ITPRID2: variants seen among roughly 807,000 people sequenced by gnomAD.
ITPRID2 encodes protein ITPRID2.
A neutral mutation model predicts 124.3 loss-of-function variants in ITPRID2; 60 were observed. The observed-to-expected ratio is 0.48, with a 90% CI of 0.39 to 0.60. ITPRID2 has a LOEUF of 0.60. Among genes scored for constraint, ITPRID2 ranks in the 20% least tolerant of loss-of-function variants. The pLI, the probability that ITPRID2 is intolerant of heterozygous loss-of-function variation, is 0.00. For missense variants in ITPRID2, 1,553 were observed against 1,512.2 expected, an observed-to-expected ratio of 1.03 and a Z score of -0.45; for synonymous variants, 521 against 542.9, an observed-to-expected ratio of 0.96 and a Z score of 0.56.
In ITPRID2 at chr2:181,902,998, TAGCAG is replaced by T. The variant is rs1466728212; in HGVS notation, c.1413+533_1413+537del. On this transcript the variant is annotated intron_variant, in intron 8 of 17. Coordinates refer to ENST00000431877, the MANE Select transcript of ITPRID2 (RefSeq NM_001130445.3). The surrounding 1 kb of genome is among the most constrained non-coding windows in gnomAD (Gnocchi z 4.4). ...ATGGGGAGGATAGGGACCCTAGAAT[TAGCAG>T]GTTTGAAAGGCCACTGAATAGGGTT... 4.6e-5 allele frequency among the ~76,000 whole-genome samples: 7 copies of T among 152,178 alleles called. No homozygotes were observed. The highest frequency in any genetic ancestry group is 9.6e-5 in the African/African-American group (4 of 41,462).
chr2:181,901,853 G>C lies in ITPRID2; in HGVS notation c.800G>C (p.Arg267Thr). ...CAAGTCTCCGGGACGCCCCTGCAGA[G>C]AATTGGAAGTATGTCCTCAGTGACC... ...YSQVSGTPLQ[R>T]IGSMSSVTSN... Residue 267 changes from arginine to threonine, a missense_variant, in exon 8 of 18, where the codon AGA becomes ACA. Transcript: ENST00000431877. The C allele has an allele frequency of 1.2e-6, 2 of 1,613,892 alleles. No homozygotes were observed. Among genetic ancestry groups the C allele is most frequent in the Non-Finnish European group, 1.7e-6 (2 of 1,179,858 alleles).
At position 181,910,218 on chromosome 2, in the gene ITPRID2, T is replaced by C. The variant is rs1489810357; in HGVS notation, c.1486+247T>C. ...CCTCATTACACAATTGTGTGTGCTCTAAGTATTTTACACTATTGCATAAGA... is the reference window on the plus strand; with the variant it reads ...CCTCATTACACAATTGTGTGTGCTCCAAGTATTTTACACTATTGCATAAGA... On this transcript the variant is annotated intron_variant, in intron 9 of 17. Coordinates refer to ENST00000431877, the MANE Select transcript of ITPRID2 (RefSeq NM_001130445.3). This position sits in a 1 kb window ranked among gnomAD's most constrained non-coding sequence, Gnocchi z 4.1. Among the ~76,000 whole-genome samples the C allele has an allele frequency of 3.9e-5, 6 of 152,204 alleles. No homozygotes were observed. The highest frequency in any genetic ancestry group is 7.4e-5 in the Non-Finnish European group (5 of 68,018).
At position 181,892,006 on chromosome 2, in the gene ITPRID2, C is replaced by A; in HGVS notation, c.-61C>A. ...GGGCGCTGACAGCAAGGGCGGGGGT[C>A]CCTGCCGCCGCCTTGTCTCGCGCAG... is the stretch of plus-strand genomic sequence containing the variant. On this transcript the variant is annotated 5_prime_UTR_variant, in exon 1 of 18. Coordinates refer to ENST00000431877, the MANE Select transcript of ITPRID2 (RefSeq NM_001130445.3). This position sits in a 1 kb window ranked among gnomAD's most constrained non-coding sequence, Gnocchi z 5.2. 3 of 1,467,358 alleles carry A rather than the reference C, an allele frequency of 2.0e-6. No individual in the cohort carries two copies. The highest frequency in any genetic ancestry group is 1.3e-5 in the South Asian group (1 of 79,730). The allele number at this position is 1,467,358 out of a possible 1,614,324, so 90.9% of individuals were successfully genotyped here.
At chr2:181,908,859 T>A (rs1693368712) in intron 8 of ITPRID2, among the ~76,000 whole-genome samples, 1 of 151,894 alleles carries the variant, frequency 6.6e-6, no homozygotes, top group African/African-American at 2.4e-5. Flanking sequence ...GCGCTTTGAT[T>A]TTTTTTTTCA....
At position 181,902,965 on chromosome 2, in the gene ITPRID2, G is replaced by A. The variant is rs77493717; in HGVS notation, c.1413+499G>A. On this transcript the variant is annotated intron_variant, in intron 8 of 17. Transcript: ENST00000431877. The surrounding 1 kb of genome is among the most constrained non-coding windows in gnomAD (Gnocchi z 4.4). Reference sequence around the variant, plus strand: ...ACTGGAAAGAACATGAAGATATTACGTACCTGCATGGGGAGGATAGGGACC... The same window carrying A: ...ACTGGAAAGAACATGAAGATATTACATACCTGCATGGGGAGGATAGGGACC... Among the ~76,000 whole-genome samples the A allele has an allele frequency of 1.3e-3, 192 of 152,236 alleles. 2 individuals carry two copies. The East Asian group carries it at 0.026, about 21-fold the overall frequency.
rs1288117958 is a variant in ITPRID2 at position 181,892,432 on chromosome 2, A to T, written c.211+155A>T. The T allele has an allele frequency of 8.9e-7, 1 of 1,123,110 alleles. No homozygotes were observed. The highest frequency in any genetic ancestry group is 1.3e-6 in the Non-Finnish European group (1 of 790,396). The allele number at this position is 1,123,110 out of a possible 1,614,324, so 69.6% of individuals were successfully genotyped here. ...GACCTTCAAACGCGCGCGCTGAACG[A>T]GGCGCCCCCAGCGTCAACACAGACA... On this transcript the variant is annotated intron_variant, in intron 1 of 17. Coordinates refer to ENST00000431877, the MANE Select transcript of ITPRID2 (RefSeq NM_001130445.3). The surrounding 1 kb of genome is among the most constrained non-coding windows in gnomAD (Gnocchi z 5.2).
intron 9 of ITPRID2, among the ~76,000 whole-genome samples, chr2:181,911,794 A>C (rs1318572910): frequency 6.6e-6 from 1 of 152,180 alleles, no homozygotes; most frequent in Non-Finnish European, 1.5e-5. Context: ...GCCCTGTGAG[A>C]TAGATAGAAG....
intron 16 of ITPRID2, among the ~76,000 whole-genome samples, chr2:181,926,729 AAG>A (rs1559023934): frequency 1.3e-5 from 2 of 151,886 alleles, no homozygotes; most frequent in African/African-American, 2.4e-5. Context: ...AAAAAAAAAA[AAG>A]AGAATACATT....
chr2:181,923,094 A>G (rs1694602884), intron 16 of ITPRID2, among the ~76,000 whole-genome samples: 1 of 152,224 alleles, frequency 6.6e-6, no homozygotes, highest in African/African-American at 2.4e-5. Context: ...TTGAAGAATT[A>G]CCATAGTTAT....
In ITPRID2 at chr2:181,900,852, G is replaced by C; in HGVS notation, c.660G>C (p.Leu220Phe). ...FAKGIDIKVFLSAQMQRMEVE... is the reference protein window; with the variant it reads ...FAKGIDIKVFFSAQMQRMEVE... ...AAGGGATAGATATTAAAGTATTTTT[G>C]AGTGCTCAGATGCAACGGATGGAAG... The change falls in exon 7 of 18, where the codon TTG (leucine) becomes TTC (phenylalanine). Residue 220 changes from leucine to phenylalanine, a missense_variant. By Grantham distance (22) the Leu-to-Phe change is conservative. Transcript: ENST00000431877. 6.2e-7 allele frequency: 1 copy of C among 1,612,968 alleles called. No homozygotes were observed. The highest frequency in any genetic ancestry group is 8.5e-7 in the Non-Finnish European group (1 of 1,179,554).
rs567363745 is a variant in ITPRID2, at chr2:181,915,670, G to T, written c.2030G>T (p.Ser677Ile). 6 of 1,614,188 alleles carry T rather than the reference G, an allele frequency of 3.7e-6. No homozygotes were observed. In the South Asian group the frequency reaches 6.6e-5, roughly 18 times the overall value. ...ATTGAAGCTAAATGCAGTGATATGA[G>T]CTCTGAAAATACAACTGGGCCTCCC... Reference protein sequence around the residue: ...ASIEAKCSDMSSENTTGPPSS... With the variant: ...ASIEAKCSDMISENTTGPPSS... Residue 677 changes from serine (S) to isoleucine (I), a missense_variant, in exon 11 of 18, where the codon AGC becomes ATC. Ser to Ile is a moderately radical substitution (Grantham distance 142). Transcript: ENST00000431877.
chr2:181,920,538 A>G (rs368495964), intron 14 of ITPRID2, 59 bp from the exon 15 acceptor site: 1 of 1,180,066 alleles, frequency 8.5e-7, no homozygotes, highest in South Asian at 1.5e-5. Context: ...ATAATTATAT[A>G]TGCATGTATG....
At chr2:181,903,528 CCTCA>C (rs1186690874) in intron 8 of ITPRID2, among the ~76,000 whole-genome samples, 1 of 152,018 alleles carries the variant, frequency 6.6e-6, no homozygotes, top group Non-Finnish European at 1.5e-5. Flanking sequence ...TCCCTCCCTC[CCTCA>C]GATTAGTGAA....
At chr2:181,925,100 C>G (rs1017208868) in intron 16 of ITPRID2, among the ~76,000 whole-genome samples, 2 of 152,136 alleles carry the variant, frequency 1.3e-5, no homozygotes, top group African/African-American at 4.8e-5. Context: ...CTTTTGGGAT[C>G]TTTATTAGAG....
rs1164632070 is a variant in ITPRID2, at chr2:181,916,078, C to T, written c.2438C>T (p.Pro813Leu). 1 of 1,614,064 alleles carries T rather than the reference C, an allele frequency of 6.2e-7. No individual in the cohort carries two copies. The highest frequency in any genetic ancestry group is 1.1e-5 in the South Asian group (1 of 91,078). The change falls in exon 11 of 18, where the codon CCC becomes CTC. Residue 813 changes from proline (P) to leucine (L), a missense_variant. Physicochemically the swap from Pro to Leu is moderately conservative, Grantham distance 98. Transcript: ENST00000431877. ...SPSSVKKEEA[P>L]QSEAPRVEEC... is the part of the protein sequence containing the mutation. ...TCATCTGTGAAGAAAGAAGAAGCCC[C>T]CCAGAGTGAGGCGCCGCGGGTGGAG... is the stretch of plus-strand genomic sequence containing the variant.
rs10716968 is a variant in ITPRID2 at position 181,907,446 on chromosome 2, G to GTT, written c.1414-2439_1414-2438dup. ...GCAATTTTATCACTTTGGTTTAGTG[G>GTT]TTTTTTTTTTTTTTTATATTATGAA... On this transcript the variant is annotated intron_variant, in intron 8 of 17. Transcript: ENST00000431877. This position sits in a 1 kb window ranked among gnomAD's most constrained non-coding sequence, Gnocchi z 5.1. 6.5e-3 allele frequency among the ~76,000 whole-genome samples: 940 copies of GTT among 144,644 alleles called. 8 individuals are homozygous for GTT. The highest frequency in any genetic ancestry group is 0.022 in the African/African-American group (886 of 39,596). The allele number at this position is 144,644 out of a possible 152,430, so 94.9% of individuals were successfully genotyped here. A position where few individuals can be genotyped will look rare whatever the true frequency, so the allele number is the denominator to read the frequency against.
In ITPRID2 at chr2:181,902,096, A is replaced by G; in HGVS notation, c.1043A>G (p.Lys348Arg). 1.2e-6 allele frequency: 2 copies of G among 1,610,698 alleles called. No homozygotes were observed. Among genetic ancestry groups the G allele is most frequent in the Non-Finnish European group, 1.7e-6 (2 of 1,178,910 alleles). Reference sequence around the variant, plus strand: ...GATCAAAAGTCTCAAAAAATTATGAAGAAGAAAGAGTCATCTTCTATGTTG... The same window carrying G: ...GATCAAAAGTCTCAAAAAATTATGAGGAAGAAAGAGTCATCTTCTATGTTG... ...KNDQKSQKIM[K>R]KKESSSMLAT... The change falls in exon 8 of 18, where the codon AAG becomes AGG. Residue 348 changes from lysine (K) to arginine (R), a missense_variant. Transcript: ENST00000431877. This position sits in a 1 kb window ranked among gnomAD's most constrained non-coding sequence, Gnocchi z 4.4.
chr2:181,903,063 G>C (rs1692810161), intron 8 of ITPRID2, among the ~76,000 whole-genome samples: 1 of 152,148 alleles, frequency 6.6e-6, no homozygotes, highest in Non-Finnish European at 1.5e-5. Flanking sequence ...TTGGTTACTT[G>C]TTATTTGTGT....
intron 8 of ITPRID2, among the ~76,000 whole-genome samples, chr2:181,908,302 A>G (rs1693314923): frequency 6.6e-6 from 1 of 152,258 alleles, no homozygotes; most frequent in African/African-American, 2.4e-5. Context: ...GATTTGGTAT[A>G]TTAATGCTGT....
Sources: gnomAD v4.1 joint callset for allele counts (sites outside exome capture counted in the v4.1 genomes callset) on GRCh38, gnomAD v4.1.1 for gene constraint, Gnocchi (gnomAD v3.1) non-coding constraint, MANE v1.5 for transcripts, NCBI Gene and HGNC (gene_info 2026-07-23, HGNC 2026-07-21) for gene names.